Variants in ARHGAP6 observed in about 807,000 individuals in gnomAD.
The protein encoded by ARHGAP6 is rho GTPase-activating protein 6.
A neutral mutation model predicts 55.7 loss-of-function variants in ARHGAP6; 16 were observed. The observed-to-expected ratio is 0.29, with a 90% CI of 0.19 to 0.44. The LOEUF is 0.44. ARHGAP6 is among the 20% of genes least tolerant of loss of function. ARHGAP6 has a pLI of 1.00. For missense variants in ARHGAP6, 698 were observed against 808.9 expected (o/e 0.86, Z 1.66); for synonymous variants, 382 against 360.9 (o/e 1.06, Z -0.66).
At chrX:11,187,597 A>G (rs926344208) in intron 4 of ARHGAP6, among the ~76,000 whole-genome samples, 2 of 112,203 alleles carry the variant, frequency 1.8e-5, no homozygotes, top group African/African-American at 6.5e-5. Flanking sequence ...AAAAACAGCA[A>G]TGGATCAGGT....
At chrX:11,387,595 C>T (rs1173467395) in intron 1 of ARHGAP6, among the ~76,000 whole-genome samples, 2 of 111,593 alleles carry the variant, frequency 1.8e-5, no homozygotes, top group East Asian at 2.8e-4. Context: ...AGTACATGTG[C>T]GCAACGTGCA....
chrX:11,584,195 T>C (rs62588013), intron 1 of ARHGAP6, among the ~76,000 whole-genome samples: 1,630 of 111,515 alleles, frequency 0.015, 12 homozygotes, highest in Middle Eastern at 0.028. Context: ...TGAGAACATA[T>C]AGGAAAAATA....
chrX:11,367,952 A>C, intron 1 of ARHGAP6: 1 of 147,510 alleles, frequency 6.8e-6, no homozygotes, highest in Non-Finnish European at 1.2e-5. Context: ...CCTTCAACCA[A>C]TTCTGCACTC....
At chrX:11,230,659 G>A (rs1279692793) in intron 2 of ARHGAP6, among the ~76,000 whole-genome samples, 2 of 107,523 alleles carry the variant, frequency 1.9e-5, no homozygotes, top group South Asian at 4.1e-4. Context: ...GTGTATATAC[G>A]TATATATGTG....
At chrX:11,283,213 G>T (rs1034626000) in intron 1 of ARHGAP6, among the ~76,000 whole-genome samples, 1 of 111,858 alleles carries the variant, frequency 8.9e-6, no homozygotes, top group Non-Finnish European at 1.9e-5. Flanking sequence ...ACCAATCAAA[G>T]AATGTTTTCT....
intron 1 of ARHGAP6, among the ~76,000 whole-genome samples, chrX:11,513,489 T>G (rs926964658): frequency 8.9e-6 from 1 of 111,789 alleles, no homozygotes; most frequent in Non-Finnish European, 1.9e-5. Context: ...TTGACTTACT[T>G]TGGACACTTG....
At chrX:11,595,204 C>T (rs1391694876) in intron 1 of ARHGAP6, among the ~76,000 whole-genome samples, 6 of 108,545 alleles carry the variant, frequency 5.5e-5, no homozygotes, top group African/African-American at 1.4e-4. Flanking sequence ...ACAGGAGAAT[C>T]GCTTGAACCC....
At chrX:11,354,059 C>G (rs2147675909) in intron 1 of ARHGAP6, among the ~76,000 whole-genome samples, 1 of 110,054 alleles carries the variant, frequency 9.1e-6, no homozygotes. Context: ...TTTCATACAA[C>G]CTGGTAGTGA....
intron 1 of ARHGAP6, among the ~76,000 whole-genome samples, chrX:11,574,424 T>C (rs1220736256): frequency 9.4e-6 from 1 of 106,829 alleles, no homozygotes; most frequent in African/African-American, 3.4e-5. Context: ...GTTCAATATA[T>C]GCAAATCAAT....
intron 1 of ARHGAP6, chrX:11,296,855 A>T (rs753003209): frequency 8.4e-7 from 1 of 1,195,636 alleles, no homozygotes; most frequent in Non-Finnish European, 1.1e-6. Flanking sequence ...AATTTTGACC[A>T]TTGTTTGCGT....
At chrX:11,356,560 AT>A (rs1029563994) in intron 1 of ARHGAP6, among the ~76,000 whole-genome samples, 10 of 111,659 alleles carry the variant, frequency 9.0e-5, no homozygotes. Flanking sequence ...TGATATAAAC[AT>A]TTTTGCTGTT....
intron 1 of ARHGAP6, among the ~76,000 whole-genome samples, chrX:11,383,078 C>A (rs2049281115): frequency 8.9e-6 from 1 of 112,240 alleles, no homozygotes; most frequent in East Asian, 2.8e-4. Context: ...GCCTTCCCTA[C>A]ATAAATGACA....
At chrX:11,163,743 T>A (rs756862415) in intron 9 of ARHGAP6, among the ~76,000 whole-genome samples, 2 of 112,011 alleles carry the variant, frequency 1.8e-5, no homozygotes, top group South Asian at 7.5e-4. Flanking sequence ...TCAAGATGCA[T>A]TAAATTCGGC....
chrX:11,598,604 T>TA (rs2051932330), intron 1 of ARHGAP6, among the ~76,000 whole-genome samples: 1 of 112,545 alleles, frequency 8.9e-6, no homozygotes, highest in African/African-American at 3.2e-5. Context: ...ACGCAGTGTT[T>TA]AGTTTTCTGT....
chrX:11,213,549 G>A (rs990600794), intron 2 of ARHGAP6, among the ~76,000 whole-genome samples: 1 of 112,706 alleles, frequency 8.9e-6, no homozygotes, highest in Non-Finnish European at 1.9e-5. Context: ...TGGTTTATAT[G>A]TAAAATGGAA....
At chrX:11,426,214 C>T (rs997623294) in intron 1 of ARHGAP6, among the ~76,000 whole-genome samples, 1 of 111,295 alleles carries the variant, frequency 9.0e-6, no homozygotes, top group African/African-American at 3.3e-5. Context: ...TGGAGGAAAG[C>T]GAAGTGTACG....
chrX:11,535,366 T>C (rs1457704609), intron 1 of ARHGAP6, among the ~76,000 whole-genome samples: 1 of 112,079 alleles, frequency 8.9e-6, no homozygotes, highest in Non-Finnish European at 1.9e-5. Flanking sequence ...ATTGCTTAAA[T>C]CTTGCATGGA....
intron 1 of ARHGAP6, among the ~76,000 whole-genome samples, chrX:11,562,199 A>G (rs186551640): frequency 8.0e-5 from 9 of 112,231 alleles, no homozygotes; most frequent in African/African-American, 2.9e-4. Flanking sequence ...CACTGGGGGA[A>G]CCACTTAAAA....
chrX:11,435,870 C>T (rs892371584), intron 1 of ARHGAP6, among the ~76,000 whole-genome samples: 1 of 112,179 alleles, frequency 8.9e-6, no homozygotes, highest in African/African-American at 3.2e-5. Flanking sequence ...AACCCAGAGC[C>T]TGCTAAGTAA....
Sources: allele counts gnomAD v4.1 joint callset (sites outside exome capture counted in the v4.1 genomes callset), GRCh38; gene constraint gnomAD v4.1.1; transcripts MANE v1.5; gene names NCBI Gene and HGNC (gene_info 2026-07-23, HGNC 2026-07-21).